GPRC6A: variants seen among roughly 807,000 people sequenced by gnomAD.
GPRC6A encodes G protein-coupled receptor family C group 6 member A.
GPRC6A carries 54 observed loss-of-function variants against 47.0 expected under a neutral mutation model. The ratio of observed to expected loss-of-function variants is 1.15; its 90% CI spans 0.92 to 1.44. The LOEUF (loss-of-function observed/expected upper bound fraction) is 1.44, where lower values mean the gene tolerates loss of function less well. Ranked by LOEUF, GPRC6A falls within the 40% of genes most tolerant of loss-of-function variation. GPRC6A has a pLI of 0.00. For synonymous variants in GPRC6A, 347 were observed against 377.1 expected, an observed-to-expected ratio of 0.92 and a Z score of 0.93; for missense variants, 1,112 against 1,105.5, an observed-to-expected ratio of 1.01 and a Z score of -0.08.
intron 1 of GPRC6A, among the ~76,000 whole-genome samples, chr6:116,822,377 T>C (rs1228702425): frequency 7.8e-6 from 1 of 128,076 alleles, no homozygotes. Flanking sequence ...ACCCAAAGGA[T>C]TATAAATCAT....
At chr6:116,812,985 T>C (rs1458773084) in intron 1 of GPRC6A, among the ~76,000 whole-genome samples, 1 of 152,078 alleles carries the variant, frequency 6.6e-6, no homozygotes, top group African/African-American at 2.4e-5. Flanking sequence ...GAGAGACAAA[T>C]CATGAGTGAA....
Position 116,829,043 on chromosome 6 carries a change from A to C in GPRC6A, c.-30T>G. Reference sequence around the variant, plus strand: ...CTATCTCATTTGCTCAGTTCATGTGAGTTCTTAGGAATCATTAAGTGCACG... The same window carrying C: ...CTATCTCATTTGCTCAGTTCATGTGCGTTCTTAGGAATCATTAAGTGCACG... On this transcript the variant is annotated 5_prime_UTR_variant, in exon 1 of 6. Transcript: ENST00000310357. The C allele has an allele frequency of 1.3e-6, 2 of 1,576,990 alleles. No homozygotes were observed. The highest frequency in any genetic ancestry group is 1.2e-5 in the South Asian group (1 of 84,116).
intron 1 of GPRC6A, among the ~76,000 whole-genome samples, chr6:116,823,479 G>A (rs1253535785): frequency 1.3e-5 from 2 of 152,044 alleles, no homozygotes; most frequent in African/African-American, 4.8e-5. Flanking sequence ...CATCATTTTG[G>A]TCACAACAAT....
At chr6:116,812,466 C>T (rs1395914069) in intron 1 of GPRC6A, among the ~76,000 whole-genome samples, 1 of 152,186 alleles carries the variant, frequency 6.6e-6, no homozygotes, top group African/African-American at 2.4e-5. Context: ...TCAAATGATA[C>T]TACTGTAGAT....
Position 116,806,481 on chromosome 6 carries a change from C to T in GPRC6A, c.1224G>A (p.Glu408=), listed in dbSNP as rs1171225283. ...GCTGAATACTATGAATGAGTCCTGG[C>T]TCAGCATAGTCCCAGAGGAAGTCAT... ...MRNDFLWDYA[E]PGLIHSIQLA... Residue 408 remains glutamate (E), a synonymous_variant, in exon 3 of 6, where the codon GAG becomes GAA. Transcript: ENST00000310357. 6.2e-7 allele frequency: 1 copy of T among 1,613,420 alleles called. No individual in the cohort carries two copies. The highest frequency in any genetic ancestry group is 8.5e-7 in the Non-Finnish European group (1 of 1,179,572).
intron 4 of GPRC6A, among the ~76,000 whole-genome samples, chr6:116,798,832 G>A (rs952115740): frequency 6.7e-6 from 1 of 150,156 alleles, no homozygotes; most frequent in Non-Finnish European, 1.5e-5. Context: ...GCAGTGAGCC[G>A]AGATCACGCC....
chr6:116,809,677 A>C (rs1282064208), intron 1 of GPRC6A, 60 bp from the exon 2 acceptor site: 9 of 1,240,654 alleles, frequency 7.3e-6, no homozygotes, highest in Non-Finnish European at 1.0e-5. Context: ...ACATGGCTGT[A>C]TCTCATTTTG....
intron 1 of GPRC6A, among the ~76,000 whole-genome samples, chr6:116,824,521 A>G (rs1359333943): frequency 1.3e-5 from 2 of 152,066 alleles, no homozygotes; most frequent in East Asian, 3.8e-4. Context: ...CTGGAAACAT[A>G]CAGTCTACCA....
intron 3 of GPRC6A, among the ~76,000 whole-genome samples, chr6:116,804,622 T>G (rs1352987086): frequency 6.6e-6 from 1 of 152,074 alleles, no homozygotes; most frequent in Non-Finnish European, 1.5e-5. Flanking sequence ...TGTTTCTAGA[T>G]TAACAGGCTC....
At chr6:116,822,750 A>T (rs914853969) in intron 1 of GPRC6A, among the ~76,000 whole-genome samples, 13 of 150,032 alleles carry the variant, frequency 8.7e-5, no homozygotes, top group African/African-American at 2.5e-4. Context: ...TGGGAGATAT[A>T]CCTAATGCTA....
intron 2 of GPRC6A, among the ~76,000 whole-genome samples, chr6:116,808,847 A>C (rs566971504): frequency 6.6e-6 from 1 of 151,886 alleles, no homozygotes; most frequent in African/African-American, 2.4e-5. Flanking sequence ...TTTTTCAGAG[A>C]TCTTTTTGCT....
chr6:116,795,041 C>G, intron 5 of GPRC6A, among the ~76,000 whole-genome samples: 1 of 152,120 alleles, frequency 6.6e-6, no homozygotes. Context: ...TTAAATTAGG[C>G]TTAACTCCAG....
intron 1 of GPRC6A, among the ~76,000 whole-genome samples, chr6:116,816,329 T>C (rs931311153): frequency 6.6e-6 from 1 of 152,224 alleles, no homozygotes; most frequent in Non-Finnish European, 1.5e-5. Context: ...AGGGAGAAAT[T>C]GGCCAAAGGA....
At chr6:116,823,342 G>A (rs1033491096) in intron 1 of GPRC6A, among the ~76,000 whole-genome samples, 1 of 152,030 alleles carries the variant, frequency 6.6e-6, no homozygotes, top group Non-Finnish European at 1.5e-5. Context: ...CCTGGGCAGG[G>A]GCACAATGCC....
rs1772854767 is a variant in GPRC6A at position 116,806,769 on chromosome 6, G to A, written c.936C>T (p.Thr312=). The change falls in exon 3 of 6, where the codon ACC becomes ACT. Residue 312 remains threonine (T), a synonymous_variant. Transcript: ENST00000310357. ...SDNWSTATKI[T]TIPNVKKIGK... ...CAATCTTTTTAACATTAGGAATGGTGGTAATCTTGGTGGCAGTTGACCAAT... is the reference window on the plus strand; with the variant it reads ...CAATCTTTTTAACATTAGGAATGGTAGTAATCTTGGTGGCAGTTGACCAAT... 2.5e-6 allele frequency: 4 copies of A among 1,613,328 alleles called. No homozygotes were observed. In the South Asian group the frequency reaches 4.4e-5, roughly 18 times the overall value.
intron 3 of GPRC6A, among the ~76,000 whole-genome samples, chr6:116,805,984 A>T (rs960394211): frequency 6.6e-6 from 1 of 152,108 alleles, no homozygotes; most frequent in Admixed American, 6.6e-5. Flanking sequence ...GGTACTCCCC[A>T]GCTTTAGTTT....
chr6:116,799,929 C>A (rs1026464465), intron 4 of GPRC6A, among the ~76,000 whole-genome samples: 1 of 152,120 alleles, frequency 6.6e-6, no homozygotes, highest in Non-Finnish European at 1.5e-5. Context: ...GGCAGGGGTA[C>A]TGGCACAGAT....
At chr6:116,796,677 G>T (rs1189276502) in intron 4 of GPRC6A, among the ~76,000 whole-genome samples, 1 of 152,050 alleles carries the variant, frequency 6.6e-6, no homozygotes, top group Non-Finnish European at 1.5e-5. Context: ...TCTTTCTCTG[G>T]AAGATGCAAA....
chr6:116,809,661 C>T (rs1169049252), intron 1 of GPRC6A, 44 bp from the exon 2 acceptor site: 1 of 1,382,504 alleles, frequency 7.2e-7, no homozygotes, highest in Admixed American at 1.7e-5. Flanking sequence ...CATAACTCTT[C>T]TATGGACATG....
Sources: allele counts gnomAD v4.1 joint callset (sites outside exome capture counted in the v4.1 genomes callset), GRCh38; gene constraint gnomAD v4.1.1; transcripts MANE v1.5; gene names NCBI Gene and HGNC (gene_info 2026-07-23, HGNC 2026-07-21).